POLE2: variants seen among roughly 807,000 people sequenced by gnomAD.
POLE2 encodes the protein DNA polymerase epsilon subunit 2.
A neutral mutation model predicts 79.4 loss-of-function variants in POLE2; 56 were observed. The ratio of observed to expected loss-of-function variants is 0.71; its 90% CI spans 0.57 to 0.88. The LOEUF is 0.88. POLE2 is among the 40% of genes least tolerant of loss of function. POLE2 has a pLI of 0.00. For missense variants in POLE2, 598 were observed against 638.9 expected (o/e 0.94, Z 0.69); for synonymous variants, 212 against 214.0 (o/e 0.99, Z 0.08).
At chr14:49,648,433 G>GTATATT (rs1172235372) in intron 17 of POLE2, among the ~76,000 whole-genome samples, 4 of 152,180 alleles carry the variant, frequency 2.6e-5, no homozygotes, top group African/African-American at 9.6e-5. Context: ...TTCAAATAGA[G>GTATATT]CATTAACTAG....
rs1189702464 is a variant in POLE2, at chr14:49,683,671, C to T, written c.91G>A (p.Glu31Lys). ...AATTCACTGATAGACTGAAGAGCTT[C>T]TGTGAGGTACTTAATAGCTTCACTA... is the stretch of plus-strand genomic sequence containing the variant. ...LRGEAIKYLT[E>K]ALQSISELEL... The change falls in exon 2 of 19, where the codon GAA becomes AAA. Residue 31 changes from glutamate to lysine, a missense_variant. Transcript: ENST00000216367. The T allele has an allele frequency of 6.4e-7, 1 of 1,569,154 alleles. No homozygotes were observed. Among genetic ancestry groups the T allele is most frequent in the Non-Finnish European group, 8.8e-7 (1 of 1,142,790 alleles).
intron 1 of POLE2, among the ~76,000 whole-genome samples, chr14:49,687,278 C>CATATATAT (rs577886157): frequency 7.1e-5 from 10 of 140,124 alleles, no homozygotes; most frequent in African/African-American, 2.6e-4. Context: ...AAAAAAAATA[C>CATATATAT]ATATATATAT....
At position 49,674,442 on chromosome 14, in the gene POLE2, A is replaced by G. The variant is rs377276197; in HGVS notation, c.246-15T>C. 5.2e-6 allele frequency: 8 copies of G among 1,530,768 alleles called. No homozygotes were observed. The Admixed American group carries it at 1.4e-4, about 26-fold the overall frequency. 94.8% of individuals were successfully genotyped at this position (1,530,768 alleles called of 1,614,324 possible). The stretch of plus-strand genomic sequence containing the variant: ...AAACGTGCTCTCTGAAAAACATCCC[A>G]CAAAATACAGACCTGATTTACTAAA... On this transcript the variant is annotated splice_polypyrimidine_tract_variant and intron_variant, in intron 3 of 18. Transcript: ENST00000216367.
chr14:49,654,705 T>C, intron 13 of POLE2, 79 bp downstream of exon 13: 15 of 1,422,354 alleles, frequency 1.1e-5, no homozygotes, highest in Non-Finnish European at 1.4e-5. Context: ...TTGTAATAAT[T>C]GCTGATATAA....
chr14:49,686,650 TACAA>T lies in POLE2; in HGVS notation c.68+1482_68+1485del, dbSNP rs1466423714. ...GCAATAGAATACATTATCTGCCCCC[TACAA>T]AGCTCTTGCTCTCTATTGCACCCCC... On this transcript the variant is annotated intron_variant, in intron 1 of 18. Transcript: ENST00000216367. Among the ~76,000 whole-genome samples, 5 of 152,190 alleles carry T rather than the reference TACAA, an allele frequency of 3.3e-5. No homozygotes were observed. In the East Asian group the frequency reaches 9.6e-4, roughly 29 times the overall value.
At chr14:49,653,616 TTTTTTTG>T (rs1373320502) in intron 15 of POLE2, among the ~76,000 whole-genome samples, 4 of 152,016 alleles carry the variant, frequency 2.6e-5, no homozygotes, top group South Asian at 2.1e-4. Flanking sequence ...ATCAAGTTAG[TTTTTTTG>T]TTTTTTGTTT....
chr14:49,679,471 G>A, intron 3 of POLE2: 1 of 367,496 alleles, frequency 2.7e-6, no homozygotes, highest in Non-Finnish European at 4.9e-6. Context: ...AGATCAACCG[G>A]TTGGGTAGGC....
chr14:49,685,697 C>T (rs1887078361), intron 1 of POLE2, among the ~76,000 whole-genome samples: 1 of 152,132 alleles, frequency 6.6e-6, no homozygotes, highest in South Asian at 2.1e-4. Context: ...TGGCTCACTG[C>T]AACCTTCACC....
At position 49,651,395 on chromosome 14, in the gene POLE2, G is replaced by A; in HGVS notation, c.1212-18C>T. On this transcript the variant is annotated intron_variant, in intron 15 of 18. Coordinates refer to ENST00000216367, the MANE Select transcript of POLE2 (RefSeq NM_002692.4). ...ACTGAATTCTGAAATGAAAACAGTA[G>A]TTGAATTTGACTTCTCAGAAAAAAA... 9.2e-7 allele frequency: 1 copy of A among 1,083,726 alleles called. No individual in the cohort carries two copies. Among genetic ancestry groups the A allele is most frequent in the Admixed American group, 2.3e-5 (1 of 44,356 alleles). 67.1% of individuals were successfully genotyped at this position (1,083,726 alleles called of 1,614,324 possible). A position where few individuals can be genotyped will look rare whatever the true frequency, so the allele number is the denominator to read the frequency against.
rs755865309 is a variant in POLE2 at position 49,683,662 on chromosome 14, G to C, written c.100C>G (p.Gln34Glu). The C allele has an allele frequency of 2.5e-6, 4 of 1,589,322 alleles. No homozygotes were observed. In the Admixed American group the frequency reaches 5.0e-5, roughly 20 times the overall value. ...EAIKYLTEAL[Q>E]SISELELEDK... ...TCAAGCTCTAATTCACTGATAGACT[G>C]AAGAGCTTCTGTGAGGTACTTAATA... Residue 34 changes from glutamine to glutamate, a missense_variant, in exon 2 of 19, where the codon CAG becomes GAG. By Grantham distance (29) the Gln-to-Glu change is conservative. Coordinates refer to ENST00000216367, the MANE Select transcript of POLE2 (RefSeq NM_002692.4).
intron 1 of POLE2, 42 bp downstream of exon 1, chr14:49,688,070 TGCCGCACCAGGCAGACGGGCCCCA>T (rs1220971271): frequency 9.2e-6 from 12 of 1,300,438 alleles, no homozygotes; most frequent in African/African-American, 1.5e-5. Context: ...TGCGTCCCGC[TGCCGCACCAGGCAGACGGGCCCCA>T]GCTCTTCCCT....
chr14:49,645,848 G>T (rs1242858294), intron 18 of POLE2, among the ~76,000 whole-genome samples: 1 of 152,180 alleles, frequency 6.6e-6, no homozygotes, highest in Non-Finnish European at 1.5e-5. Flanking sequence ...GCCCAGGCTG[G>T]TCTTAAACTC....
rs977896027 is a variant in POLE2, at chr14:49,682,939, A to G, written c.169+654T>C. Among the ~76,000 whole-genome samples the G allele has an allele frequency of 2.6e-5, 4 of 152,058 alleles. No individual in the cohort carries two copies. The East Asian group carries it at 7.7e-4, about 29-fold the overall frequency. On this transcript the variant is annotated intron_variant, in intron 2 of 18. Coordinates refer to ENST00000216367, the MANE Select transcript of POLE2 (RefSeq NM_002692.4). ...TTAATGACTTAAATAAGACATGGTA[A>G]TAGCCACTAGGAGAGACAAAGTGAC...
chr14:49,663,214 G>A (rs1228654496), intron 10 of POLE2, 101 bp downstream of exon 10: 2 of 519,690 alleles, frequency 3.8e-6, no homozygotes, highest in Admixed American at 6.5e-5. Flanking sequence ...TTGACACAAA[G>A]CCTGACACCT....
At chr14:49,679,847 T>A in intron 2 of POLE2, 47 bp from the exon 3 acceptor site, 1 of 1,006,112 alleles carries the variant, frequency 9.9e-7, no homozygotes, top group Non-Finnish European at 1.5e-6. Flanking sequence ...AAAAAAAAAA[T>A]AGTTCTTTCC....
intron 17 of POLE2, among the ~76,000 whole-genome samples, chr14:49,649,137 CTTTTTTTTTTTTT>C (rs374201091): frequency 1.2e-3 from 132 of 108,786 alleles, no homozygotes; most frequent in Non-Finnish European, 1.6e-3. Context: ...ATTTCTTTCC[CTTTTTTTTTTTTT>C]TTTTTTTTTT....
At chr14:49,683,384 A>T (rs1886875379) in intron 2 of POLE2, among the ~76,000 whole-genome samples, 1 of 152,188 alleles carries the variant, frequency 6.6e-6, no homozygotes. Flanking sequence ...CCTGGGCAAC[A>T]GAGCGAGACT....
intron 13 of POLE2, 51 bp downstream of exon 13, chr14:49,654,731 GTT>G: frequency 2.3e-6 from 3 of 1,286,822 alleles, no homozygotes; most frequent in Non-Finnish European, 3.1e-6. Context: ...TTCATTTTTT[GTT>G]TTTTTTTTAA....
intron 10 of POLE2, among the ~76,000 whole-genome samples, chr14:49,659,341 T>C (rs1193200710): frequency 6.6e-6 from 1 of 151,974 alleles, no homozygotes; most frequent in African/African-American, 2.4e-5. Flanking sequence ...GAATTTGAGG[T>C]TGCAGTGAGC....
Sources: gnomAD v4.1 joint callset for allele counts (sites outside exome capture counted in the v4.1 genomes callset) on GRCh38, gnomAD v4.1.1 for gene constraint, MANE v1.5 for transcripts, NCBI Gene and HGNC (gene_info 2026-07-23, HGNC 2026-07-21) for gene names.